The following CUL3 variants were observed in gnomAD, a reference collection of about 807,000 sequenced individuals.
CUL3 encodes cullin-3.
Under a neutral mutation model 89.1 loss-of-function variants are expected in CUL3, and 19 were observed. That is an observed-to-expected ratio of 0.21 (90% confidence interval 0.15 to 0.31). The LOEUF is 0.31. Among genes scored for constraint, CUL3 ranks in the 10% least tolerant of loss-of-function variants. The pLI is 1.00. For missense variants in CUL3, 469 were observed against 942.3 expected (o/e 0.50, Z 6.58); for synonymous variants, 351 against 308.4 (o/e 1.14, Z -1.45).
rs995373982 is a variant in CUL3, at chr2:224,584,286, C to G, written c.66+658G>C. 1.2e-4 allele frequency among the ~76,000 whole-genome samples: 18 copies of G among 152,016 alleles called. No individual in the cohort carries two copies. The East Asian group carries it at 1.6e-3, about 13-fold the overall frequency. ...CGGTTTGCTCTCTGTTGCTTCCCCCCCACCCGGCCTTCCTCCGAGTGGCGA... is the reference window on the plus strand; with the variant it reads ...CGGTTTGCTCTCTGTTGCTTCCCCCGCACCCGGCCTTCCTCCGAGTGGCGA... On this transcript the variant is annotated intron_variant, in intron 1 of 15. Transcript: ENST00000264414.
chr2:224,583,956 C>G (rs1695505063), intron 1 of CUL3, among the ~76,000 whole-genome samples: 1 of 152,218 alleles, frequency 6.6e-6, no homozygotes, highest in East Asian at 1.9e-4. Context: ...AATCTTCTGT[C>G]CGATTGCTAG....
chr2:224,491,101 G>C (rs529992790), intron 13 of CUL3, among the ~76,000 whole-genome samples: 22 of 152,208 alleles, frequency 1.4e-4, no homozygotes, highest in Admixed American at 3.3e-4. Context: ...AAGTAGTTTT[G>C]CCTAATCTTG....
At chr2:224,528,842 G>A (rs1007833008) in intron 3 of CUL3, among the ~76,000 whole-genome samples, 2 of 151,794 alleles carry the variant, frequency 1.3e-5, no homozygotes, top group South Asian at 4.2e-4. Context: ...CACCTTTGCT[G>A]CAAATACCTT....
At chr2:224,498,867 C>A (rs976324293) in intron 11 of CUL3, among the ~76,000 whole-genome samples, 2 of 152,076 alleles carry the variant, frequency 1.3e-5, no homozygotes, top group East Asian at 3.8e-4. Context: ...TATGAAGCTA[C>A]AAGTCAATAA....
intron 5 of CUL3, 141 bp from the exon 6 acceptor site, chr2:224,511,723 C>T (rs142545881): frequency 1.0e-4 from 57 of 552,534 alleles, no homozygotes; most frequent in African/African-American, 7.8e-4. Context: ...TCTCATTACA[C>T]GAAAGACTGA....
At chr2:224,567,377 G>A (rs918487153) in intron 1 of CUL3, among the ~76,000 whole-genome samples, 3 of 152,048 alleles carry the variant, frequency 2.0e-5, no homozygotes, top group Non-Finnish European at 4.4e-5. Flanking sequence ...GCCACCATGC[G>A]TGGCTAATAT....
chr2:224,529,598 C>T lies in CUL3; in HGVS notation c.378+5930G>A, dbSNP rs572366025. Among the ~76,000 whole-genome samples, 6 of 151,514 alleles carry T rather than the reference C, an allele frequency of 4.0e-5. No homozygotes were observed. The East Asian group carries it at 9.7e-4, about 25-fold the overall frequency. On this transcript the variant is annotated intron_variant, in intron 3 of 15. Coordinates refer to ENST00000264414, the MANE Select transcript of CUL3 (RefSeq NM_003590.5). Reference sequence around the variant, plus strand: ...GAGCTGAGATCGTGCCACTGTACTCCGAGACTCCCTCTCAAAAAGAAAAAA... The same window carrying T: ...GAGCTGAGATCGTGCCACTGTACTCTGAGACTCCCTCTCAAAAAGAAAAAA...
chr2:224,502,661 C>T (rs961085394), intron 10 of CUL3, among the ~76,000 whole-genome samples: 5 of 152,176 alleles, frequency 3.3e-5, no homozygotes, highest in Non-Finnish European at 7.4e-5. Flanking sequence ...AAGCCCAGTA[C>T]TCTTTCCACA....
intron 2 of CUL3, among the ~76,000 whole-genome samples, chr2:224,546,778 CT>C (rs1409297611): frequency 6.6e-6 from 1 of 152,124 alleles, no homozygotes; most frequent in African/African-American, 2.4e-5. Flanking sequence ...CTCCTCTCCC[CT>C]AACATCATTT....
At chr2:224,580,881 ATT>A (rs34333381) in intron 1 of CUL3, among the ~76,000 whole-genome samples, 91 of 112,728 alleles carry the variant, frequency 8.1e-4, no homozygotes, top group Admixed American at 7.6e-4. Context: ...AGTGCTTGAG[ATT>A]TTTTTTTTTT....
At chr2:224,559,293 A>G (rs888061831) in intron 1 of CUL3, among the ~76,000 whole-genome samples, 2 of 151,564 alleles carry the variant, frequency 1.3e-5, no homozygotes, top group Non-Finnish European at 2.9e-5. Flanking sequence ...CTACAAAAAA[A>G]TTTTTTAAGA....
Position 224,499,107 on chromosome 2 carries a change from A to T in CUL3, c.1610+1256T>A, listed in dbSNP as rs558982950. ...CAAAAATATCTTTAGTTTCTGTACA[A>T]CCCACGTCAAGTTTTTAAGTGTAGG... On this transcript the variant is annotated intron_variant, in intron 11 of 15. Transcript: ENST00000264414. 7.9e-5 allele frequency among the ~76,000 whole-genome samples: 12 copies of T among 152,354 alleles called. No homozygotes were observed. In the South Asian group the frequency reaches 2.5e-3, roughly 32 times the overall value.
chr2:224,567,857 T>C (rs1695085045), intron 1 of CUL3, among the ~76,000 whole-genome samples: 1 of 152,140 alleles, frequency 6.6e-6, no homozygotes, highest in South Asian at 2.1e-4. Flanking sequence ...AGGCACACCA[T>C]GACCCTGTTC....
chr2:224,482,642 T>C (rs1691577199), intron 13 of CUL3, among the ~76,000 whole-genome samples: 1 of 151,966 alleles, frequency 6.6e-6, no homozygotes, highest in African/African-American at 2.4e-5. Flanking sequence ...GCAATCTGTT[T>C]TGAAGTTCAG....
intron 14 of CUL3, chr2:224,480,004 A>G (rs1198079139): frequency 6.6e-6 from 1 of 150,566 alleles, no homozygotes; most frequent in Non-Finnish European, 1.5e-5. Context: ...GGAGCCTAAC[A>G]CAACACTCCT....
At chr2:224,494,624 TGAC>T (rs1268282850) in intron 13 of CUL3, among the ~76,000 whole-genome samples, 1 of 152,072 alleles carries the variant, frequency 6.6e-6, no homozygotes, top group Non-Finnish European at 1.5e-5. Context: ...TTTTAAATAA[TGAC>T]GACAAGGTAA....
intron 1 of CUL3, among the ~76,000 whole-genome samples, chr2:224,579,664 G>A (rs1048191410): frequency 6.6e-6 from 1 of 152,084 alleles, no homozygotes; most frequent in Non-Finnish European, 1.5e-5. Context: ...CTAGCATTAG[G>A]GAGTGGGCAT....
At position 224,499,146 on chromosome 2, in the gene CUL3, T is replaced by C. The variant is rs534775150; in HGVS notation, c.1610+1217A>G. ...TTTAAGTGTAGGCAAGTCGAAATTA[T>C]TTCTGATACAAATCACAAACTCCAC... On this transcript the variant is annotated intron_variant, in intron 11 of 15. Transcript: ENST00000264414. Among the ~76,000 whole-genome samples, 13 of 152,354 alleles carry C rather than the reference T, an allele frequency of 8.5e-5. No homozygotes were observed. In the South Asian group the frequency reaches 1.9e-3, roughly 22 times the overall value.
intron 1 of CUL3, among the ~76,000 whole-genome samples, chr2:224,572,023 A>G (rs1695191390): frequency 6.6e-6 from 1 of 152,216 alleles, no homozygotes; most frequent in South Asian, 2.1e-4. Context: ...CCAGGGTACC[A>G]TGTCAACTCA....
Sources: gnomAD v4.1 joint callset for allele counts (sites outside exome capture counted in the v4.1 genomes callset) on GRCh38, gnomAD v4.1.1 for gene constraint, MANE v1.5 for transcripts, NCBI Gene and HGNC (gene_info 2026-07-23, HGNC 2026-07-21) for gene names.